Variants in ACTN2 observed in about 807,000 individuals in gnomAD.
ACTN2 encodes the protein actinin alpha 2, also known as alpha-actinin-2.
A neutral mutation model predicts 113.8 loss-of-function variants in ACTN2; 39 were observed. That is an observed-to-expected ratio of 0.34 (90% CI 0.27 to 0.45). ACTN2 has a LOEUF of 0.45. Among genes scored for constraint, ACTN2 ranks in the 20% least tolerant of loss-of-function variants. ACTN2 has a pLI of 1.00. For synonymous variants in ACTN2, 429 were observed against 444.1 expected (o/e 0.97, Z 0.43); for missense variants, 992 against 1,177.9 (o/e 0.84, Z 2.31).
At chr1:236,699,642 TTATC>T (rs1263201470) in intron 1 of ACTN2, among the ~76,000 whole-genome samples, 1 of 152,174 alleles carries the variant, frequency 6.6e-6, no homozygotes, top group East Asian at 1.9e-4. Flanking sequence ...TGCCGTGTCT[TTATC>T]TACAGGAATG....
chr1:236,686,600 G>C lies in ACTN2; in HGVS notation c.-74G>C. 6.8e-7 allele frequency: 1 copy of C among 1,462,320 alleles called. No individual in the cohort carries two copies. The highest frequency in any genetic ancestry group is 2.4e-5 in the Admixed American group (1 of 42,212). 90.6% of individuals were successfully genotyped at this position (1,462,320 alleles called of 1,614,324 possible). ...CCGCCGCCCGCCGCCCGCCGCCTCC[G>C]TGGGTCCGTTTGCCAGTCAGCCCGT... On this transcript the variant is annotated 5_prime_UTR_variant, in exon 1 of 21. Transcript: ENST00000366578.
intron 17 of ACTN2, among the ~76,000 whole-genome samples, chr1:236,755,411 CATT>C (rs1305256960): frequency 6.6e-6 from 1 of 152,176 alleles, no homozygotes. Flanking sequence ...GTGACATTAT[CATT>C]ATTATTATCA....
intron 7 of ACTN2, among the ~76,000 whole-genome samples, chr1:236,733,616 C>G (rs980059905): frequency 6.6e-6 from 1 of 152,208 alleles, no homozygotes; most frequent in Non-Finnish European, 1.5e-5. Flanking sequence ...AACTTGGCCA[C>G]CTAGCGTGTA....
intron 1 of ACTN2, among the ~76,000 whole-genome samples, chr1:236,697,815 G>A (rs1037506250): frequency 2.0e-5 from 3 of 148,290 alleles, no homozygotes; most frequent in Admixed American, 6.8e-5. Context: ...CCAGGCTAGA[G>A]TGCAATGGCA....
intron 1 of ACTN2, 126 bp from the exon 2 acceptor site, chr1:236,717,732 C>T (rs1440050830): frequency 1.4e-6 from 1 of 730,436 alleles, no homozygotes. Context: ...TCTGCATCCT[C>T]TAGAAGCCCA....
chr1:236,757,708 G>A (rs757766082), intron 18 of ACTN2, 76 bp downstream of exon 18: 222 of 1,576,572 alleles, frequency 1.4e-4, no homozygotes, highest in Middle Eastern at 3.3e-4. Flanking sequence ...GCATGCTCTC[G>A]TTTTAAGTCT....
At chr1:236,733,324 A>G (rs1484540458) in intron 7 of ACTN2, among the ~76,000 whole-genome samples, 1 of 152,202 alleles carries the variant, frequency 6.6e-6, no homozygotes, top group Non-Finnish European at 1.5e-5. Flanking sequence ...ACTCACGTAG[A>G]ATTATTGGCA....
intron 8 of ACTN2, chr1:236,736,492 GC>G: frequency 9.4e-7 from 1 of 1,065,088 alleles, no homozygotes; most frequent in East Asian, 2.6e-5. Flanking sequence ...TGCCACTCCT[GC>G]CCCAAGTTCC....
In ACTN2 at chr1:236,722,629, C is replaced by T. The variant is rs568723866; in HGVS notation, c.448+2438C>T. On this transcript the variant is annotated intron_variant, in intron 4 of 20. Coordinates refer to ENST00000366578, the MANE Select transcript of ACTN2 (RefSeq NM_001103.4). ...CAGCCTGGGTAACAGAGCAAGACTC[C>T]GTCTCAAAAAAAAAAAAAAAAAGAA... Among the ~76,000 whole-genome samples, 467 of 61,134 alleles carry T rather than the reference C, an allele frequency of 7.6e-3. 2 individuals carry two copies. The highest frequency in any genetic ancestry group is 0.016 in the African/African-American group (245 of 15,234). The allele number at this position is 61,134 out of a possible 152,430, so 40.1% of individuals were successfully genotyped here.
At chr1:236,720,483 A>C (rs1260972917) in intron 4 of ACTN2, among the ~76,000 whole-genome samples, 1 of 152,298 alleles carries the variant, frequency 6.6e-6, no homozygotes, top group East Asian at 1.9e-4. Context: ...GTAAATTTAC[A>C]GCTATGGCAG....
chr1:236,732,638 T>C (rs970202284), intron 7 of ACTN2, among the ~76,000 whole-genome samples: 7 of 151,970 alleles, frequency 4.6e-5, no homozygotes, highest in Non-Finnish European at 7.4e-5. Context: ...AGACAGGGTT[T>C]CACCATGTTG....
chr1:236,687,088 G>C (rs1294574500), intron 1 of ACTN2, among the ~76,000 whole-genome samples: 1 of 152,070 alleles, frequency 6.6e-6, no homozygotes, highest in Admixed American at 6.5e-5. Context: ...AGGGGTCTCT[G>C]GTCTGCTCCT....
rs749565466 is a variant in ACTN2 at position 236,735,681 on chromosome 1, C to T, written c.744C>T (p.Tyr248=). ...PKPDERAIMT[Y]VSCFYHAFAG... is the part of the protein sequence containing the mutation. ...CCGATGAAAGAGCCATCATGACGTA[C>T]GTCTCTTGCTTCTACCACGCTTTTG... The change falls in exon 8 of 21, where the codon TAC becomes TAT. Residue 248 remains tyrosine (Y), a synonymous_variant. Coordinates refer to ENST00000366578, the MANE Select transcript of ACTN2 (RefSeq NM_001103.4). 1.3e-5 allele frequency: 21 copies of T among 1,614,106 alleles called. No homozygotes were observed. In the Admixed American group the frequency reaches 2.0e-4, roughly 15 times the overall value.
At chr1:236,717,338 G>C (rs1054357447) in intron 1 of ACTN2, among the ~76,000 whole-genome samples, 1 of 152,116 alleles carries the variant, frequency 6.6e-6, no homozygotes, top group East Asian at 2.0e-4. Context: ...TTAGGGGGCT[G>C]AGGCAGGAGG....
Position 236,761,015 on chromosome 1 carries a change from G to A in ACTN2, c.2368G>A (p.Gly790Ser), listed in dbSNP as rs1241649558. ...ACLISMGYDL[G>S]EAEFARIMTL... ...ATGTTTCTTTGCCACTTTGCCCCAG[G>A]GTGAAGCCGAATTTGCCCGCATTAT... is the stretch of plus-strand genomic sequence containing the variant. The change falls in exon 20 of 21, where the codon GGT (glycine) becomes AGT (serine). Residue 790 changes from glycine (G) to serine (S), a missense_variant and splice_region_variant. Physicochemically the swap from Gly to Ser is moderately conservative, Grantham distance 56. Transcript: ENST00000366578. 1 of 1,614,134 alleles carries A rather than the reference G, an allele frequency of 6.2e-7. No individual in the cohort carries two copies. The highest frequency in any genetic ancestry group is 8.5e-7 in the Non-Finnish European group (1 of 1,180,032).
At chr1:236,740,959 A>T (rs962422888) in intron 10 of ACTN2, among the ~76,000 whole-genome samples, 3 of 151,990 alleles carry the variant, frequency 2.0e-5, no homozygotes, top group African/African-American at 4.8e-5. Context: ...CTACCTGTAG[A>T]TGTTGGTGAT....
intron 12 of ACTN2, 60 bp from the exon 13 acceptor site, chr1:236,747,607 A>G: frequency 1.4e-6 from 2 of 1,444,590 alleles, no homozygotes; most frequent in Non-Finnish European, 1.9e-6. Flanking sequence ...TTTTTAGCCC[A>G]TGTTCATTTT....
At chr1:236,744,594 A>G in intron 11 of ACTN2, 32 bp from the exon 12 acceptor site, 1 of 1,613,288 alleles carries the variant, frequency 6.2e-7, no homozygotes, top group Non-Finnish European at 8.5e-7. Flanking sequence ...TGCCCTCAGC[A>G]TATTCATACT....
chr1:236,752,959 A>AG (rs1659444269), intron 15 of ACTN2, among the ~76,000 whole-genome samples: 1 of 152,264 alleles, frequency 6.6e-6, no homozygotes, highest in Non-Finnish European at 1.5e-5. Context: ...TAATGCTTTT[A>AG]GTAGCAGTTT....
Sources: gnomAD v4.1 joint callset for allele counts (sites outside exome capture counted in the v4.1 genomes callset) on GRCh38, gnomAD v4.1.1 for gene constraint, MANE v1.5 for transcripts, NCBI Gene and HGNC (gene_info 2026-07-23, HGNC 2026-07-21) for gene names.